SPATA16: variants seen among roughly 807,000 people sequenced by gnomAD.
SPATA16 encodes the protein spermatogenesis-associated protein 16.
SPATA16 carries 36 observed loss-of-function variants against 63.3 expected under a neutral mutation model. That is an observed-to-expected ratio of 0.57 (90% CI 0.44 to 0.75). The LOEUF (loss-of-function observed/expected upper bound fraction) is 0.75, where lower values mean the gene tolerates loss of function less well. SPATA16 is among the 30% of genes least tolerant of loss of function. SPATA16 has a pLI of 0.00. For missense variants in SPATA16, 646 were observed against 679.3 expected (o/e 0.95, Z 0.54); for synonymous variants, 203 against 216.7 (o/e 0.94, Z 0.56).
chr3:172,943,091 C>A lies in SPATA16; in HGVS notation c.1081+13586G>T, dbSNP rs934357005. ...AAGGGAAGATGTTGAAAATTATTGA[C>A]CCTAGAATTCAGTGAAGAAAATTAA... is the stretch of plus-strand genomic sequence containing the variant. On this transcript the variant is annotated intron_variant, in intron 6 of 10. Coordinates refer to ENST00000351008, the MANE Select transcript of SPATA16 (RefSeq NM_031955.6). Among the ~76,000 whole-genome samples, 3 of 152,084 alleles carry A rather than the reference C, an allele frequency of 2.0e-5. 1 individual carries two copies.
chr3:172,898,392 A>C (rs1181813300), intron 10 of SPATA16, among the ~76,000 whole-genome samples: 1 of 151,998 alleles, frequency 6.6e-6, no homozygotes, highest in Non-Finnish European at 1.5e-5. Context: ...GGAGTTTATA[A>C]TTATGAATAG....
rs9871335 is a variant in SPATA16, at chr3:173,083,605, T to C, written c.612+33515A>G. ...ATCATCCCATCTCCTAGGTATTAAGTCCAGCATTAGCTATTTTTCCTGATA... is the reference window on the plus strand; with the variant it reads ...ATCATCCCATCTCCTAGGTATTAAGCCCAGCATTAGCTATTTTTCCTGATA... On this transcript the variant is annotated intron_variant, in intron 2 of 10. Coordinates refer to ENST00000351008, the MANE Select transcript of SPATA16 (RefSeq NM_031955.6). 2.7e-3 allele frequency among the ~76,000 whole-genome samples: 415 copies of C among 152,198 alleles called. 2 individuals carry two copies. Among genetic ancestry groups the C allele is most frequent in the African/African-American group, 9.6e-3 (398 of 41,538 alleles).
chr3:173,073,246 A>C (rs2203978), intron 2 of SPATA16, among the ~76,000 whole-genome samples: 18,204 of 152,286 alleles, frequency 0.12, 1,223 homozygotes, highest in East Asian at 0.25. Flanking sequence ...TAGAAAAGAA[A>C]AACCTATTTT....
chr3:173,107,450 T>C (rs1395768169), intron 2 of SPATA16, among the ~76,000 whole-genome samples: 2 of 138,574 alleles, frequency 1.4e-5, no homozygotes, highest in African/African-American at 5.6e-5. Context: ...AATCTCTCTC[T>C]CTCTATTTTT....
At chr3:172,921,429 C>A (rs920410682) in intron 8 of SPATA16, among the ~76,000 whole-genome samples, 1 of 152,098 alleles carries the variant, frequency 6.6e-6, no homozygotes, top group South Asian at 2.1e-4. Context: ...GCTTGTCACA[C>A]GAGCATGGTC....
intron 5 of SPATA16, among the ~76,000 whole-genome samples, chr3:172,969,597 T>A (rs988114160): frequency 3.3e-5 from 5 of 152,184 alleles, no homozygotes; most frequent in Non-Finnish European, 5.9e-5. Flanking sequence ...GTTACTAGAC[T>A]GGTGTTTAAG....
chr3:172,922,489 A>G (rs749191619), intron 8 of SPATA16, among the ~76,000 whole-genome samples: 2 of 152,270 alleles, frequency 1.3e-5, no homozygotes, highest in Non-Finnish European at 2.9e-5. Flanking sequence ...GGTGATAAGA[A>G]AATGAGTTAA....
intron 1 of SPATA16, among the ~76,000 whole-genome samples, chr3:173,128,707 G>C (rs912499350): frequency 1.3e-5 from 2 of 152,210 alleles, no homozygotes; most frequent in Non-Finnish European, 2.9e-5. Context: ...TTTTAAAAAT[G>C]TTTAACAAGG....
intron 2 of SPATA16, among the ~76,000 whole-genome samples, chr3:173,076,394 A>C (rs1736803616): frequency 7.1e-6 from 1 of 141,820 alleles, no homozygotes; most frequent in Admixed American, 6.9e-5. Context: ...GGTTAGTATA[A>C]AATTTTTTTT....
At chr3:172,980,806 C>G (rs568282273) in intron 4 of SPATA16, among the ~76,000 whole-genome samples, 1 of 152,208 alleles carries the variant, frequency 6.6e-6, no homozygotes, top group Non-Finnish European at 1.5e-5. Context: ...TTCTCTTGCT[C>G]CATGTCCTCC....
chr3:173,025,435 T>C (rs1202797778), intron 3 of SPATA16, among the ~76,000 whole-genome samples: 3 of 151,926 alleles, frequency 2.0e-5, no homozygotes, highest in Non-Finnish European at 2.9e-5. Flanking sequence ...TTAAATTTTT[T>C]CTAACATGTT....
chr3:173,116,382 A>G (rs1320016874), intron 2 of SPATA16, among the ~76,000 whole-genome samples: 2 of 152,234 alleles, frequency 1.3e-5, no homozygotes, highest in Admixed American at 6.5e-5. Flanking sequence ...TCATCAACAA[A>G]GCAAGGCCAA....
intron 2 of SPATA16, among the ~76,000 whole-genome samples, chr3:173,067,099 A>G (rs1280171187): frequency 1.3e-5 from 2 of 152,108 alleles, no homozygotes; most frequent in Non-Finnish European, 1.5e-5. Flanking sequence ...GGTAGTCTAT[A>G]TTAAAATATA....
chr3:173,076,792 A>G (rs1736816056), intron 2 of SPATA16, among the ~76,000 whole-genome samples: 1 of 152,152 alleles, frequency 6.6e-6, no homozygotes, highest in Non-Finnish European at 1.5e-5. Flanking sequence ...ATCCCCTTTT[A>G]TCACTGTACC....
intron 4 of SPATA16, among the ~76,000 whole-genome samples, chr3:172,990,071 T>C (rs544315665): frequency 6.6e-6 from 1 of 152,258 alleles, no homozygotes; most frequent in East Asian, 1.9e-4. Flanking sequence ...AAATTAGCTA[T>C]TGGTATTCTT....
intron 8 of SPATA16, among the ~76,000 whole-genome samples, chr3:172,916,774 C>G (rs1262631939): frequency 1.3e-5 from 2 of 152,196 alleles, no homozygotes; most frequent in African/African-American, 4.8e-5. Context: ...TGAATCTGCA[C>G]TTCACTCACC....
intron 4 of SPATA16, among the ~76,000 whole-genome samples, chr3:172,998,667 G>A (rs1378753912): frequency 2.0e-5 from 3 of 152,114 alleles, no homozygotes; most frequent in Non-Finnish European, 4.4e-5. Context: ...TGCAATGTTA[G>A]CTGTAGGTTT....
intron 2 of SPATA16, among the ~76,000 whole-genome samples, chr3:173,110,715 A>C (rs1306969607): frequency 6.6e-6 from 1 of 152,238 alleles, no homozygotes; most frequent in Non-Finnish European, 1.5e-5. Context: ...ACATAGCATC[A>C]GCGCAGCATC....
intron 2 of SPATA16, among the ~76,000 whole-genome samples, chr3:173,098,069 A>G (rs1737404046): frequency 6.6e-6 from 1 of 152,170 alleles, no homozygotes; most frequent in African/African-American, 2.4e-5. Flanking sequence ...CTGTTCTGGC[A>G]ACATAATCAG....
Sources: gnomAD v4.1 joint callset for allele counts (sites outside exome capture counted in the v4.1 genomes callset) on GRCh38, gnomAD v4.1.1 for gene constraint, MANE v1.5 for transcripts, NCBI Gene and HGNC (gene_info 2026-07-23, HGNC 2026-07-21) for gene names.